NLGN1: variants seen among roughly 807,000 people sequenced by gnomAD.
NLGN1 encodes neuroligin-1.
In NLGN1, 12 loss-of-function variants were observed where a neutral mutation model predicts 65.5. That is an observed-to-expected ratio of 0.18 (90% CI 0.12 to 0.30). NLGN1 has a LOEUF of 0.30. Among genes scored for constraint, NLGN1 ranks in the 10% least tolerant of loss-of-function variants. NLGN1 has a pLI of 1.00. For synonymous variants in NLGN1, 350 were observed against 359.5 expected (o/e 0.97, Z 0.30); for missense variants, 750 against 1,007.1 (o/e 0.74, Z 3.46).
At chr3:173,739,017 A>T (rs1774206131) in intron 3 of NLGN1, among the ~76,000 whole-genome samples, 1 of 152,084 alleles carries the variant, frequency 6.6e-6, no homozygotes, top group Admixed American at 6.6e-5. Context: ...AGGCTGTTCA[A>T]GAAGTATGAC....
intron 4 of NLGN1, among the ~76,000 whole-genome samples, chr3:173,991,706 C>T (rs1560792498): frequency 6.6e-6 from 1 of 152,136 alleles, no homozygotes; most frequent in East Asian, 1.9e-4. Flanking sequence ...TTGAAGGCTC[C>T]GTATGCTCCT....
rs563133846 is a variant in NLGN1 at position 174,152,586 on chromosome 3, G to T, written c.647-122729G>T. ...GGTGCAGCACACCAACATGGCACAT[G>T]TATACATATGTAACAAACCTGCACG... On this transcript the variant is annotated intron_variant, in intron 4 of 6. Transcript: ENST00000457714. 2.6e-5 allele frequency among the ~76,000 whole-genome samples: 4 copies of T among 151,936 alleles called. No homozygotes were observed. The South Asian group carries it at 8.3e-4, about 32-fold the overall frequency.
chr3:173,971,916 G>A (rs1246048109), intron 4 of NLGN1, among the ~76,000 whole-genome samples: 1 of 151,960 alleles, frequency 6.6e-6, no homozygotes. Flanking sequence ...CAAGTGGACT[G>A]CTTAGGCCAG....
At chr3:173,924,628 A>AAAAAAAT (rs1742678320) in intron 4 of NLGN1, among the ~76,000 whole-genome samples, 1 of 151,896 alleles carries the variant, frequency 6.6e-6, no homozygotes, top group African/African-American at 2.4e-5. Context: ...GTCTCAAAAA[A>AAAAAAAT]AAAAATAAAA....
chr3:173,542,327 T>C (rs992253697), intron 2 of NLGN1, among the ~76,000 whole-genome samples: 1 of 152,030 alleles, frequency 6.6e-6, no homozygotes, highest in African/African-American at 2.4e-5. Flanking sequence ...TAAAAAGTTT[T>C]ATTCTGTTCT....
At chr3:173,821,461 AAAT>A (rs1481856228) in intron 4 of NLGN1, among the ~76,000 whole-genome samples, 1 of 152,172 alleles carries the variant, frequency 6.6e-6, no homozygotes, top group Admixed American at 6.5e-5. Flanking sequence ...CTTTGTATGA[AAAT>A]AAGCTTTAAG....
At chr3:174,241,494 A>C (rs1222573690) in intron 4 of NLGN1, among the ~76,000 whole-genome samples, 2 of 151,388 alleles carry the variant, frequency 1.3e-5, no homozygotes, top group Admixed American at 6.6e-5. Flanking sequence ...ACCTGCACTT[A>C]TCCACCAATT....
the NLGN1 span, among the ~76,000 whole-genome samples, chr3:174,291,778 G>T: frequency 6.6e-6 from 1 of 151,050 alleles, no homozygotes; most frequent in Non-Finnish European, 1.5e-5. Flanking sequence ...CAAACAGAAG[G>T]GTGACATGGA....
In NLGN1 at chr3:174,008,363, C is replaced by A. The variant is rs142110245; in HGVS notation, c.646+200531C>A. Reference sequence around the variant, plus strand: ...TATCCAACCCGTCCCCCCCACCCCCCGCCCACGGAGGAGCTCTGTATCAAT... The same window carrying A: ...TATCCAACCCGTCCCCCCCACCCCCAGCCCACGGAGGAGCTCTGTATCAAT... On this transcript the variant is annotated intron_variant, in intron 4 of 6. Coordinates refer to ENST00000457714, the Ensembl canonical transcript of NLGN1. Among the ~76,000 whole-genome samples the A allele has an allele frequency of 1.1e-3, 144 of 133,776 alleles. No homozygotes were observed. The East Asian group carries it at 0.032, about 30-fold the overall frequency. The allele number at this position is 133,776 out of a possible 152,430, so 87.8% of individuals were successfully genotyped here.
At chr3:173,755,890 A>G (rs1457877969) in intron 3 of NLGN1, among the ~76,000 whole-genome samples, 1 of 152,126 alleles carries the variant, frequency 6.6e-6, no homozygotes, top group Non-Finnish European at 1.5e-5. Flanking sequence ...CTTATACTTT[A>G]ATTAAAATGC....
At chr3:174,208,523 G>A (rs1489860199) in intron 4 of NLGN1, among the ~76,000 whole-genome samples, 1 of 152,156 alleles carries the variant, frequency 6.6e-6, no homozygotes, top group Non-Finnish European at 1.5e-5. Context: ...ATATAGGGCA[G>A]GTTCTCACTG....
chr3:173,609,731 G>T (rs1280548179), intron 3 of NLGN1, among the ~76,000 whole-genome samples: 1 of 151,914 alleles, frequency 6.6e-6, no homozygotes, highest in Non-Finnish European at 1.5e-5. Context: ...CTTGTATAAA[G>T]CTTACAACCT....
chr3:174,200,119 T>C (rs776265172), intron 4 of NLGN1, among the ~76,000 whole-genome samples: 84 of 152,320 alleles, frequency 5.5e-4, no homozygotes, highest in Non-Finnish European at 1.0e-3. Flanking sequence ...TTCAGCTCCT[T>C]TGCCTCTGCC....
intron 4 of NLGN1, among the ~76,000 whole-genome samples, chr3:174,069,749 A>G (rs1739409584): frequency 6.6e-6 from 1 of 152,170 alleles, no homozygotes; most frequent in African/African-American, 2.4e-5. Flanking sequence ...AGGGTGTCAG[A>G]TAAGTACCAG....
At chr3:174,097,496 T>G (rs909710563) in intron 4 of NLGN1, among the ~76,000 whole-genome samples, 1 of 152,200 alleles carries the variant, frequency 6.6e-6, no homozygotes, top group African/African-American at 2.4e-5. Context: ...ATTTTTATGT[T>G]TTAATATAAT....
At chr3:174,257,926 C>T (rs12696352) in intron 4 of NLGN1, among the ~76,000 whole-genome samples, 32,219 of 146,900 alleles carry the variant, frequency 0.22, 3,705 homozygotes, top group East Asian at 0.5. Flanking sequence ...ATATAAAGTT[C>T]GAAAAATAGT....
At chr3:173,711,540 G>A (rs1352904469) in intron 3 of NLGN1, among the ~76,000 whole-genome samples, 1 of 151,972 alleles carries the variant, frequency 6.6e-6, no homozygotes, top group Admixed American at 6.6e-5. Flanking sequence ...CTCATTTTTT[G>A]TTGTTTTGCT....
At chr3:173,892,016 A>G (rs1735434990) in intron 4 of NLGN1, among the ~76,000 whole-genome samples, 1 of 152,138 alleles carries the variant, frequency 6.6e-6, no homozygotes. Context: ...GAAAAATAAC[A>G]ATCACCTGAA....
chr3:173,828,823 T>C (rs544739096), intron 4 of NLGN1, among the ~76,000 whole-genome samples: 50 of 151,910 alleles, frequency 3.3e-4, no homozygotes, highest in Non-Finnish European at 4.7e-4. Flanking sequence ...AGGAACTAGG[T>C]TGGTTGTGAA....
Sources: allele counts gnomAD v4.1 joint callset (sites outside exome capture counted in the v4.1 genomes callset), GRCh38; gene constraint gnomAD v4.1.1; transcripts MANE v1.5; gene names NCBI Gene and HGNC (gene_info 2026-07-23, HGNC 2026-07-21).